Variants in AMDHD1 observed in about 807,000 individuals in gnomAD.
AMDHD1 encodes amidohydrolase domain containing 1.
Under a neutral mutation model 44.1 loss-of-function variants are expected in AMDHD1, and 45 were observed. That is an observed-to-expected ratio of 1.02 (90% confidence interval 0.80 to 1.31). The LOEUF (loss-of-function observed/expected upper bound fraction) is 1.31, where lower values mean the gene tolerates loss of function less well. AMDHD1 is among the 50% of genes most tolerant of loss of function. The probability of loss-of-function intolerance (pLI) is 0.00; values close to 1 mark genes in which losing one functional copy is unlikely to be tolerated. For missense variants in AMDHD1, 586 were observed against 552.1 expected (o/e 1.06, Z -0.61); for synonymous variants, 206 against 205.0 (o/e 1.00, Z -0.04).
chr12:95,958,002 G>A (rs564272514), intron 4 of AMDHD1, among the ~76,000 whole-genome samples: 29 of 152,256 alleles, frequency 1.9e-4, no homozygotes, highest in African/African-American at 6.7e-4. Flanking sequence ...GCAGTGAGCC[G>A]AGATTGTGCC....
At chr12:95,947,597 A>G (rs1250678545) in intron 1 of AMDHD1, among the ~76,000 whole-genome samples, 1 of 42,570 alleles carries the variant, frequency 2.3e-5, no homozygotes, top group Non-Finnish European at 4.0e-5. Flanking sequence ...CCCCGCCCGG[A>G]CAGCCGTGCC....
At chr12:95,962,171 T>C (rs3751266) in intron 5 of AMDHD1, among the ~76,000 whole-genome samples, 184 bp from the exon 6 acceptor site, 81,308 of 152,006 alleles carry the variant, frequency 0.53, 22,363 homozygotes, top group African/African-American at 0.66. Flanking sequence ...GAGGCTGAGG[T>C]GGGAGAATTG....
At position 95,968,094 on chromosome 12, in the gene AMDHD1, A is replaced by G; in HGVS notation, c.*251A>G. On this transcript the variant is annotated 3_prime_UTR_variant, in exon 9 of 9. Transcript: ENST00000266736. ...TCCAATTAGTTCACAAATATTGGTT[A>G]CAAATATTCTGTAGATTAATATGGT... 3.7e-6 allele frequency: 1 copy of G among 268,168 alleles called. No individual in the cohort carries two copies. Among genetic ancestry groups the G allele is most frequent in the Non-Finnish European group, 6.9e-6 (1 of 144,026 alleles). 16.6% of individuals were successfully genotyped at this position (268,168 alleles called of 1,614,324 possible).
intron 8 of AMDHD1, among the ~76,000 whole-genome samples, chr12:95,966,815 G>A (rs1274706166): frequency 2.6e-5 from 4 of 152,160 alleles, no homozygotes; most frequent in Non-Finnish European, 5.9e-5. Flanking sequence ...TTTCTGCTCG[G>A]CTTCTGATTT....
chr12:95,956,391 AG>A (rs1325199328), intron 3 of AMDHD1, among the ~76,000 whole-genome samples: 1 of 152,132 alleles, frequency 6.6e-6, no homozygotes, highest in Non-Finnish European at 1.5e-5. Context: ...TACAGGCGTG[AG>A]CCACCGCGCC....
chr12:95,949,499 C>G (rs1442095687), intron 1 of AMDHD1, among the ~76,000 whole-genome samples: 1 of 152,222 alleles, frequency 6.6e-6, no homozygotes, highest in South Asian at 2.1e-4. Context: ...CCACATGTGC[C>G]TATTATTTGT....
Position 95,943,431 on chromosome 12 carries a change from C to T in AMDHD1, c.33C>T (p.Asn11=). Residue 11 remains asparagine (N), a synonymous_variant, in exon 1 of 9, where the codon AAC becomes AAT. Coordinates refer to ENST00000266736, the MANE Select transcript of AMDHD1 (RefSeq NM_152435.3). ...GCGGCCACAGCCTCCTGCTGGAGAA[C>T]GCGCAGCAAGTGGTGCTGGTGTGCG... MASGHSLLLE[N]AQQVVLVCAR... is the part of the protein sequence containing the mutation. 3.3e-6 allele frequency: 5 copies of T among 1,506,222 alleles called. No individual in the cohort carries two copies. The highest frequency in any genetic ancestry group is 3.5e-6 in the Non-Finnish European group (4 of 1,134,284). The allele number at this position is 1,506,222 out of a possible 1,614,324, so 93.3% of individuals were successfully genotyped here. A position where few individuals can be genotyped will look rare whatever the true frequency, so the allele number is the denominator to read the frequency against.
chr12:95,959,959 A>ATAATTTTTG (rs111344581), intron 4 of AMDHD1, among the ~76,000 whole-genome samples: 105,199 of 151,332 alleles, frequency 0.7, 37,021 homozygotes, highest in East Asian at 0.95. Context: ...CCATGCCCCG[A>ATAATTTTTG]TACTTTTAGT....
chr12:95,966,256 C>G (rs564079646), intron 7 of AMDHD1, 92 bp from the exon 8 acceptor site: 4 of 1,433,774 alleles, frequency 2.8e-6, no homozygotes, highest in East Asian at 4.6e-5. Flanking sequence ...ATACCTTTAA[C>G]TGCCTCTATT....
intron 5 of AMDHD1, 34 bp from the exon 6 acceptor site, chr12:95,962,321 G>A (rs868233891): frequency 6.3e-7 from 1 of 1,590,922 alleles, no homozygotes; most frequent in Non-Finnish European, 8.6e-7. Context: ...GTTGCTATTT[G>A]TTAAATCTTT....
At position 95,966,385 on chromosome 12, in the gene AMDHD1, T is replaced by G; in HGVS notation, c.1070T>G (p.Met357Arg). The part of the protein sequence containing the change: ...VMHLACVNMR[M>R]SMPEALAAAT... The stretch of plus-strand genomic sequence containing the variant: ...CATCTGGCCTGTGTAAACATGAGAA[T>G]GTCCATGCCTGAGGCCTTGGCCGCT... The change falls in exon 8 of 9, where the codon ATG (methionine) becomes AGG (arginine). Residue 357 changes from methionine (M) to arginine (R), a missense_variant. Physicochemically the swap from Met to Arg is moderately conservative, Grantham distance 91. Coordinates refer to ENST00000266736, the MANE Select transcript of AMDHD1 (RefSeq NM_152435.3). 1 of 1,614,250 alleles carries G rather than the reference T, an allele frequency of 6.2e-7. No individual in the cohort carries two copies. The highest frequency in any genetic ancestry group is 1.6e-4 in the Middle Eastern group (1 of 6,062).
chr12:95,965,179 G>T (rs1406360180), intron 6 of AMDHD1, among the ~76,000 whole-genome samples: 1 of 151,412 alleles, frequency 6.6e-6, no homozygotes, highest in Non-Finnish European at 1.5e-5. Flanking sequence ...GGTGCCTGTA[G>T]TCCCAACTAC....
At chr12:95,949,501 A>G (rs1565976482) in intron 1 of AMDHD1, among the ~76,000 whole-genome samples, 1 of 152,184 alleles carries the variant, frequency 6.6e-6, no homozygotes, top group South Asian at 2.1e-4. Flanking sequence ...ACATGTGCCT[A>G]TTATTTGTAT....
rs1280716140 is a variant in AMDHD1, at chr12:95,956,892, A to G, written c.517A>G (p.Ile173Val). The change falls in exon 4 of 9, where the codon ATT becomes GTT. Residue 173 changes from isoleucine to valine, a missense_variant. Transcript: ENST00000266736. ...GACCGAGCTCAAGATGCTGCGCGTG[A>G]TTGAGCGCGCCCGGCGGGAGCTGGA... is the stretch of plus-strand genomic sequence containing the variant. The part of the protein sequence containing the change: ...LETELKMLRV[I>V]ERARRELDIG... The G allele has an allele frequency of 2.6e-5, 42 of 1,613,648 alleles. No homozygotes were observed. Among genetic ancestry groups the G allele is most frequent in the Non-Finnish European group, 3.5e-5 (41 of 1,180,040 alleles).
chr12:95,953,041 T>C (rs965019615), intron 2 of AMDHD1, among the ~76,000 whole-genome samples: 3 of 152,222 alleles, frequency 2.0e-5, no homozygotes, highest in African/African-American at 4.8e-5. Context: ...GGTATCATTA[T>C]CTATACTTTA....
Position 95,966,417 on chromosome 12 carries a change from A to G in AMDHD1, c.1102A>G (p.Ile368Val), listed in dbSNP as rs1565979946. ...GCCTGAGGCCTTGGCCGCTGCCACC[A>G]TCAATGCAGCTTATGCACTGGGAAA... ...SMPEALAAATINAAYALGKSH... is the reference protein window; with the variant it reads ...SMPEALAAATVNAAYALGKSH... Residue 368 changes from isoleucine to valine, a missense_variant, in exon 8 of 9, where the codon ATC (isoleucine) becomes GTC (valine). Ile to Val is a conservative substitution (Grantham distance 29). Coordinates refer to ENST00000266736, the MANE Select transcript of AMDHD1 (RefSeq NM_152435.3). 1 of 1,614,228 alleles carries G rather than the reference A, an allele frequency of 6.2e-7. No homozygotes were observed. Among genetic ancestry groups the G allele is most frequent in the Non-Finnish European group, 8.5e-7 (1 of 1,180,044 alleles).
intron 1 of AMDHD1, among the ~76,000 whole-genome samples, chr12:95,948,014 G>A (rs1206633671): frequency 3.6e-5 from 4 of 109,948 alleles, no homozygotes; most frequent in African/African-American, 7.2e-5. Context: ...CGCCCGGCCA[G>A]CCGCCCTGTC....
chr12:95,967,790 C>A lies in AMDHD1; in HGVS notation c.1228C>A (p.His410Asn), dbSNP rs760018743. Residue 410 changes from histidine (H) to asparagine (N), a missense_variant, in exon 9 of 9, where the codon CAT becomes AAT. By Grantham distance (68) the His-to-Asn change is moderately conservative (BLOSUM62 1). Coordinates refer to ENST00000266736, the MANE Select transcript of AMDHD1 (RefSeq NM_152435.3). ...EHLIYQFGGHHELIEYVIAKG... is the reference protein window; with the variant it reads ...EHLIYQFGGHNELIEYVIAKG... ...TTTGATTTACCAGTTCGGAGGCCATCATGAATTAATTGAATATGTTATAGC... is the reference window on the plus strand; with the variant it reads ...TTTGATTTACCAGTTCGGAGGCCATAATGAATTAATTGAATATGTTATAGC... 2.5e-6 allele frequency: 4 copies of A among 1,573,126 alleles called. No individual in the cohort carries two copies. The highest frequency in any genetic ancestry group is 2.6e-6 in the Non-Finnish European group (3 of 1,161,506).
intron 5 of AMDHD1, 81 bp from the exon 6 acceptor site, chr12:95,962,270 AAAAC>A: frequency 2.0e-6 from 3 of 1,532,206 alleles, no homozygotes; most frequent in Non-Finnish European, 2.6e-6. Flanking sequence ...TCTCAAAAAT[AAAAC>A]AAACAAAGCA....
Sources: gnomAD v4.1 joint callset for allele counts (sites outside exome capture counted in the v4.1 genomes callset) on GRCh38, gnomAD v4.1.1 for gene constraint, MANE v1.5 for transcripts, NCBI Gene and HGNC (gene_info 2026-07-23, HGNC 2026-07-21) for gene names.